CLNK: variants seen among roughly 807,000 people sequenced by gnomAD.
CLNK encodes the protein cytokine-dependent hematopoietic cell linker.
CLNK carries 74 observed loss-of-function variants against 68.6 expected under a neutral mutation model. The ratio of observed to expected loss-of-function variants is 1.08; its 90% CI spans 0.89 to 1.31. The LOEUF (loss-of-function observed/expected upper bound fraction) is 1.31, where lower values mean the gene tolerates loss of function less well. CLNK is among the 50% of genes most tolerant of loss of function. CLNK has a pLI of 0.00. For missense variants in CLNK, 553 were observed against 515.3 expected, an observed-to-expected ratio of 1.07 and a Z score of -0.71; for synonymous variants, 198 against 172.2, an observed-to-expected ratio of 1.15 and a Z score of -1.17.
chr4:10,516,671 G>C (rs1344049251), intron 15 of CLNK, among the ~76,000 whole-genome samples: 1 of 151,758 alleles, frequency 6.6e-6, no homozygotes, highest in Admixed American at 6.6e-5. Flanking sequence ...TCCTGCCTCA[G>C]CCTCCCGAGT....
chr4:10,667,849 C>A lies in CLNK; in HGVS notation c.11+10G>T. 1 of 1,215,228 alleles carries A rather than the reference C, an allele frequency of 8.2e-7. No homozygotes were observed. Among genetic ancestry groups the A allele is most frequent in the Non-Finnish European group, 1.1e-6 (1 of 936,514 alleles). The allele number at this position is 1,215,228 out of a possible 1,614,324, so 75.3% of individuals were successfully genotyped here. On this transcript the variant is annotated intron_variant, in intron 2 of 18. Transcript: ENST00000226951. The stretch of plus-strand genomic sequence containing the variant: ...GGAACTGGGGCTCACAGTGATCCCA[C>A]GGTACTTACTGCCTGTTCATAGTTC...
intron 2 of CLNK, among the ~76,000 whole-genome samples, chr4:10,632,172 TC>T (rs1475627286): frequency 2.6e-5 from 4 of 152,220 alleles, no homozygotes; most frequent in Admixed American, 2.6e-4. Context: ...CAACTTCTTT[TC>T]CCCAGTTGTA....
intron 18 of CLNK, among the ~76,000 whole-genome samples, chr4:10,492,715 G>A (rs1716634673): frequency 6.6e-6 from 1 of 152,184 alleles, no homozygotes; most frequent in Non-Finnish European, 1.5e-5. Flanking sequence ...GTGGGATGGG[G>A]GGAGGGGGTG....
At chr4:10,605,152 G>A (rs1721737900) in intron 2 of CLNK, among the ~76,000 whole-genome samples, 1 of 152,198 alleles carries the variant, frequency 6.6e-6, no homozygotes, top group Admixed American at 6.5e-5. Flanking sequence ...TCTCTCGCCT[G>A]CCAGCCTGCC....
chr4:10,692,641 GT>G, the CLNK span, among the ~76,000 whole-genome samples: 1 of 152,178 alleles, frequency 6.6e-6, no homozygotes, highest in Non-Finnish European at 1.5e-5. Flanking sequence ...ACAAGGAAAC[GT>G]TTTCAAAATG....
At chr4:10,626,933 G>A (rs546553750) in intron 2 of CLNK, among the ~76,000 whole-genome samples, 1 of 152,282 alleles carries the variant, frequency 6.6e-6, no homozygotes, top group East Asian at 1.9e-4. Flanking sequence ...CTGTAAAACA[G>A]GGAGAGATTT....
chr4:10,545,248 TTATC>T (rs1458671524), intron 8 of CLNK, among the ~76,000 whole-genome samples: 1 of 152,148 alleles, frequency 6.6e-6, no homozygotes, highest in African/African-American at 2.4e-5. Flanking sequence ...TCAAAACAAA[TTATC>T]TACTTCCAAG....
intron 1 of CLNK, among the ~76,000 whole-genome samples, chr4:10,671,530 T>G (rs1297809991): frequency 2.0e-5 from 3 of 152,190 alleles, no homozygotes; most frequent in Non-Finnish European, 4.4e-5. Context: ...GCTGACACCT[T>G]GAAAGCACCA....
rs1724105574 is a variant in CLNK, at chr4:10,659,410, A to T, written c.11+8449T>A. 2.0e-5 allele frequency among the ~76,000 whole-genome samples: 3 copies of T among 152,214 alleles called. 1 individual carries two copies. Among genetic ancestry groups the T allele is most frequent in the Admixed American group, 2.0e-4 (3 of 15,290 alleles). On this transcript the variant is annotated intron_variant, in intron 2 of 18. Coordinates refer to ENST00000226951, the MANE Select transcript of CLNK (RefSeq NM_052964.4). ...ATAACGATTTCATTTAATAAAGAAA[A>T]TGAGACTCAGGGAGGCTAAGTTCCT...
intron 2 of CLNK, among the ~76,000 whole-genome samples, chr4:10,611,031 AAAATT>A (rs1255228120): frequency 6.6e-6 from 1 of 152,098 alleles, no homozygotes. Context: ...TAAAAATACA[AAAATT>A]AGGCTGGGCG....
chr4:10,495,833 A>C lies in CLNK; in HGVS notation c.1141-5220T>G, dbSNP rs563070600. Among the ~76,000 whole-genome samples the C allele has an allele frequency of 9.4e-4, 143 of 152,022 alleles. 2 individuals are homozygous for C. Among genetic ancestry groups the C allele is most frequent in the Admixed American group, 6.0e-3 (92 of 15,272 alleles). On this transcript the variant is annotated intron_variant, in intron 18 of 18. Transcript: ENST00000226951. ...GAAGGTCACGTGACCATAGAGAGAG[A>C]GAGATGAGGAGAAGGTCACGTGATC...
At chr4:10,729,862 A>T in the CLNK span, among the ~76,000 whole-genome samples, 1 of 152,252 alleles carries the variant, frequency 6.6e-6, no homozygotes, top group South Asian at 2.1e-4. Context: ...AATTCTTGCA[A>T]ATATGAAAGA....
intron 15 of CLNK, among the ~76,000 whole-genome samples, chr4:10,518,876 G>C (rs567545986): frequency 6.6e-6 from 1 of 152,342 alleles, no homozygotes; most frequent in African/African-American, 2.4e-5. Context: ...TGTAGAGACT[G>C]CGTGTTGTTT....
At chr4:10,531,855 T>A (rs1056111325) in intron 12 of CLNK, 2 of 465,512 alleles carry the variant, frequency 4.3e-6, no homozygotes, top group East Asian at 6.6e-5. Context: ...CTTGTGCAAC[T>A]TTGGATCTCA....
the CLNK span, among the ~76,000 whole-genome samples, chr4:10,721,499 A>G: frequency 2.0e-5 from 3 of 152,216 alleles, no homozygotes; most frequent in Admixed American, 1.3e-4. Context: ...AGTGGAAAGA[A>G]GTGTAGAGAA....
chr4:10,504,116 C>CTTTTTTTTTT (rs10660433), intron 17 of CLNK, among the ~76,000 whole-genome samples: 2 of 67,328 alleles, frequency 3.0e-5, no homozygotes, highest in Non-Finnish European at 2.7e-5. Context: ...TCTTTGGGTT[C>CTTTTTTTTTT]TTTTTTTTTT....
rs566556428 is a variant in CLNK at position 10,559,051 on chromosome 4, C to T, written c.400-599G>A. Among the ~76,000 whole-genome samples the T allele has an allele frequency of 8.5e-5, 13 of 152,212 alleles. 1 individual carries two copies. In the South Asian group the frequency reaches 1.9e-3, roughly 22 times the overall value. ...AGCACTGTGCCGAGAACACAGGTGT[C>T]GCTAACCACACTGAATTCATGTATC... On this transcript the variant is annotated intron_variant, in intron 7 of 18. Transcript: ENST00000226951.
chr4:10,566,816 T>C (rs1298832077), intron 5 of CLNK, among the ~76,000 whole-genome samples: 1 of 152,162 alleles, frequency 6.6e-6, no homozygotes, highest in Non-Finnish European at 1.5e-5. Flanking sequence ...AGACCTCATC[T>C]GTACAAAAAT....
At chr4:10,674,511 C>T (rs919952112) in intron 1 of CLNK, among the ~76,000 whole-genome samples, 1 of 152,168 alleles carries the variant, frequency 6.6e-6, no homozygotes, top group Non-Finnish European at 1.5e-5. Context: ...AATACAGTTC[C>T]CATATAATTT....
Sources: allele counts gnomAD v4.1 joint callset (sites outside exome capture counted in the v4.1 genomes callset), GRCh38; gene constraint gnomAD v4.1.1; transcripts MANE v1.5; gene names NCBI Gene and HGNC (gene_info 2026-07-23, HGNC 2026-07-21).